Variants in MORN1 observed in about 807,000 individuals in gnomAD.
The protein encoded by MORN1 is MORN repeat containing 1, also known as MORN repeat-containing protein 1.
A neutral mutation model predicts 61.9 loss-of-function variants in MORN1; 67 were observed. That is an observed-to-expected ratio of 1.08 (90% confidence interval 0.89 to 1.33). The LOEUF (loss-of-function observed/expected upper bound fraction) is 1.33. MORN1 is among the 40% of genes most tolerant of loss of function. The pLI is 0.00. For missense variants in MORN1, 752 were observed against 691.2 expected (o/e 1.09, Z -0.99); for synonymous variants, 301 against 292.0 (o/e 1.03, Z -0.31).
In MORN1 at chr1:2,384,981, G is replaced by T; in HGVS notation, c.534C>A (p.Tyr178Ter). The change falls in exon 6 of 14, where the codon TAC becomes TAA. Residue 178 changes from tyrosine (Y) to a stop codon, truncating the protein, a stop_gained. Coordinates refer to ENST00000378531, the MANE Select transcript of MORN1 (RefSeq NM_024848.3). LOFTEE classifies it high-confidence loss of function. ...GGTGCCGCGCGCCCCCGGGTACCTT[G>T]TAGGTGGAGCCGTCGGCGCAGCGCA... ...GVLRCADGST[Y>*]KGQWHSDVFS... The T allele has an allele frequency of 6.3e-7, 1 of 1,576,792 alleles. No homozygotes were observed. The highest frequency in any genetic ancestry group is 8.6e-7 in the Non-Finnish European group (1 of 1,162,074).
At chr1:2,322,384 C>T (rs868673047) in intron 13 of MORN1, 152 of 985,306 alleles carry the variant, frequency 1.5e-4, no homozygotes, top group Non-Finnish European at 1.7e-4. Context: ...CGGCTCACAC[C>T]GCAAGGCAGA....
chr1:2,339,005 C>T (rs762504108), intron 10 of MORN1, among the ~76,000 whole-genome samples: 3 of 152,142 alleles, frequency 2.0e-5, no homozygotes, highest in African/African-American at 4.8e-5. Context: ...CCTATAAAGC[C>T]GGGTTCCTTG....
At chr1:2,323,243 C>T in intron 13 of MORN1, 1 of 985,360 alleles carries the variant, frequency 1.0e-6, no homozygotes, top group Non-Finnish European at 1.2e-6. Flanking sequence ...CTGGCTACAG[C>T]CCCGGCCACA....
At chr1:2,360,797 G>A (rs1442727327) in intron 8 of MORN1, among the ~76,000 whole-genome samples, 2 of 152,198 alleles carry the variant, frequency 1.3e-5, no homozygotes, top group African/African-American at 2.4e-5. Context: ...ACAGGACTGG[G>A]CATGGTGCCT....
At position 2,357,303 on chromosome 1, in the gene MORN1, C is replaced by T. The variant is rs1393951206; in HGVS notation, c.1036+129G>A. The stretch of plus-strand genomic sequence containing the variant: ...CCGGCCCTGCCTCCTTTCACCCACG[C>T]GTGATGACTGACCCTGGGTGCGGCT... On this transcript the variant is annotated intron_variant, in intron 10 of 13. Transcript: ENST00000378531. This position sits in a 1 kb window ranked among gnomAD's most constrained non-coding sequence, Gnocchi z 6.3. 2.3e-5 allele frequency: 23 copies of T among 1,001,338 alleles called. No individual in the cohort carries two copies. The highest frequency in any genetic ancestry group is 1.7e-4 in the South Asian group (10 of 59,006). The allele number at this position is 1,001,338 out of a possible 1,614,324, so 62.0% of individuals were successfully genotyped here.
rs774351788 is a variant in MORN1, at chr1:2,385,013, C to T, written c.502G>A (p.Gly168Arg). Reference sequence around the variant, plus strand: ...GAGCCGTCGGCGCAGCGCAGCACCCCGTGTCCCTGACGCCGGTCCCGGACC... The same window carrying T: ...GAGCCGTCGGCGCAGCGCAGCACCCTGTGTCCCTGACGCCGGTCCCGGACC... ...DWVRDRRQGHGVLRCADGSTY... is the reference protein window; with the variant it reads ...DWVRDRRQGHRVLRCADGSTY... The change falls in exon 6 of 14, where the codon GGG (glycine) becomes AGG (arginine). Residue 168 changes from glycine to arginine, a missense_variant. Coordinates refer to ENST00000378531, the MANE Select transcript of MORN1 (RefSeq NM_024848.3). 24 of 1,597,304 alleles carry T rather than the reference C, an allele frequency of 1.5e-5. No homozygotes were observed. Among genetic ancestry groups the T allele is most frequent in the South Asian group, 6.8e-5 (6 of 88,504 alleles).
At chr1:2,335,227 G>A (rs1265738410) in intron 12 of MORN1, among the ~76,000 whole-genome samples, 1 of 152,240 alleles carries the variant, frequency 6.6e-6, no homozygotes, top group Non-Finnish European at 1.5e-5. Flanking sequence ...GGGGGCTGCA[G>A]CAGGCCCTCC....
intron 3 of MORN1, 193 bp from the exon 4 acceptor site, chr1:2,387,722 C>T: frequency 6.8e-6 from 4 of 591,914 alleles, no homozygotes; most frequent in Non-Finnish European, 6.1e-6. Flanking sequence ...AACAGCTGGG[C>T]ATGCAGACAG....
intron 6 of MORN1, among the ~76,000 whole-genome samples, chr1:2,383,721 G>T (rs1297288508): frequency 6.6e-6 from 1 of 152,180 alleles, no homozygotes; most frequent in Non-Finnish European, 1.5e-5. Flanking sequence ...ACGCTCAGGG[G>T]GCCCCTCACA....
rs1051852880 is a variant in MORN1, at chr1:2,357,949, C to T, written c.870-351G>A. On this transcript the variant is annotated intron_variant, in intron 9 of 13. Transcript: ENST00000378531. This position sits in a 1 kb window ranked among gnomAD's most constrained non-coding sequence, Gnocchi z 6.3. ...ACAGTCCTTAACTCAGGAGAAGGGC[C>T]GGTGGGAAAAGGGAGTGTGAGAGCT... Among the ~76,000 whole-genome samples, 1 of 152,088 alleles carries T rather than the reference C, an allele frequency of 6.6e-6. No homozygotes were observed. Among genetic ancestry groups the T allele is most frequent in the African/African-American group, 2.4e-5 (1 of 41,416 alleles).
chr1:2,336,830 A>G lies in MORN1; in HGVS notation c.1057T>C (p.Cys353Arg). ...GLLARGHAPHCPGACQRVEQG... is the reference protein window; with the variant it reads ...GLLARGHAPHRPGACQRVEQG... The stretch of plus-strand genomic sequence containing the variant: ...TCCACTCGCTGACAGGCCCCGGGAC[A>G]ATGGGGCGCATGTCCCCTGGCTGAG... The change falls in exon 11 of 14, where the codon TGT (cysteine) becomes CGT (arginine). Residue 353 changes from cysteine (C) to arginine (R), a missense_variant. Transcript: ENST00000378531. 1 of 1,583,480 alleles carries G rather than the reference A, an allele frequency of 6.3e-7. No individual in the cohort carries two copies. The highest frequency in any genetic ancestry group is 8.6e-7 in the Non-Finnish European group (1 of 1,167,300).
At chr1:2,322,507 A>C in intron 13 of MORN1, 1 of 985,302 alleles carries the variant, frequency 1.0e-6, no homozygotes, top group African/African-American at 1.7e-5. Context: ...GACAAGAGCA[A>C]GCCTCGGGGG....
chr1:2,388,602 A>C, intron 2 of MORN1: 1 of 375,874 alleles, frequency 2.7e-6, no homozygotes, highest in South Asian at 3.4e-5. Flanking sequence ...ACACGGAGAG[A>C]CCCCGTCTCT....
In MORN1 at chr1:2,391,528, T is replaced by C. The variant is rs912234991; in HGVS notation, c.6A>G (p.Ala2=). Residue 2 remains alanine (A), a synonymous_variant, in exon 1 of 14, where the codon GCA becomes GCG. Transcript: ENST00000378531. The stretch of plus-strand genomic sequence containing the variant: ...AGCTCGGGGTGCCCTCGCCCGCCGC[T>C]GCCATCTTGCCGCCGAGGGTTCTCT... The part of the protein sequence containing the change: M[A]AAGEGTPSSR... 8.0e-7 allele frequency: 1 copy of C among 1,250,064 alleles called. No individual in the cohort carries two copies. Among genetic ancestry groups the C allele is most frequent in the East Asian group, 3.2e-5 (1 of 31,724 alleles). The allele number at this position is 1,250,064 out of a possible 1,614,324, so 77.4% of individuals were successfully genotyped here. A position where few individuals can be genotyped will look rare whatever the true frequency, so the allele number is the denominator to read the frequency against.
intron 12 of MORN1, chr1:2,332,621 A>G (rs2100243506): frequency 2.2e-6 from 1 of 456,508 alleles, no homozygotes; most frequent in East Asian, 7.0e-5. Flanking sequence ...GGAGGGCGCG[A>G]CGTGGCGTCT....
chr1:2,323,048 A>G (rs1472223908), intron 13 of MORN1: 3 of 985,454 alleles, frequency 3.0e-6, no homozygotes, highest in Non-Finnish European at 3.6e-6. Flanking sequence ...CGCCGAGCAC[A>G]TAAACCCTGG....
chr1:2,321,607 A>G, intron 13 of MORN1, 28 bp from the exon 14 acceptor site: 3 of 1,454,942 alleles, frequency 2.1e-6, no homozygotes, highest in Non-Finnish European at 2.7e-6. Flanking sequence ...GCTGGTCCTC[A>G]GCAGGCTCCT....
At chr1:2,348,778 C>T (rs1229829943) in intron 10 of MORN1, among the ~76,000 whole-genome samples, 1 of 137,316 alleles carries the variant, frequency 7.3e-6, no homozygotes, top group African/African-American at 3.4e-5. Flanking sequence ...CGCAGGCACG[C>T]ACACACACGC....
chr1:2,387,431 C>T lies in MORN1; in HGVS notation c.346G>A (p.Gly116Ser), dbSNP rs115624462. The change falls in exon 4 of 14, where the codon GGC becomes AGC. Residue 116 changes from glycine to serine, a missense_variant. Transcript: ENST00000378531. The part of the protein sequence containing the change: ...GGCYEGEVSH[G>S]MREGHGFLVD... ...GTGGGCGCCAGACCTTCCCGCATGC[C>T]GTGGGAGACCTCCCCTTCATAACAT... 1.2e-5 allele frequency: 20 copies of T among 1,613,092 alleles called. No homozygotes were observed. Among genetic ancestry groups the T allele is most frequent in the African/African-American group, 9.3e-5 (7 of 75,058 alleles).
Sources: allele counts gnomAD v4.1 joint callset (sites outside exome capture counted in the v4.1 genomes callset), GRCh38; gene constraint gnomAD v4.1.1; non-coding constraint Gnocchi (gnomAD v3.1); transcripts MANE v1.5; gene names NCBI Gene and HGNC (gene_info 2026-07-23, HGNC 2026-07-21).